Variants in C12orf42 observed in about 807,000 individuals in gnomAD.
The protein encoded by C12orf42 is chromosome 12 open reading frame 42.
C12orf42 carries 25 observed loss-of-function variants against 21.6 expected under a neutral mutation model. The ratio of observed to expected loss-of-function variants is 1.16; its 90% CI spans 0.84 to 1.62. The LOEUF (loss-of-function observed/expected upper bound fraction) is 1.62. Ranked by LOEUF, C12orf42 falls within the 40% of genes most tolerant of loss-of-function variation. The pLI, the probability that C12orf42 is intolerant of heterozygous loss-of-function variation, is 0.00. For missense variants in C12orf42, 483 were observed against 459.3 expected (o/e 1.05, Z -0.47); for synonymous variants, 174 against 175.0 (o/e 0.99, Z 0.05).
At chr12:103,555,775 C>G in the C12orf42 span, among the ~76,000 whole-genome samples, 1 of 152,100 alleles carries the variant, frequency 6.6e-6, no homozygotes, top group African/African-American at 2.4e-5. Flanking sequence ...CTCCAGAGAG[C>G]AAAGGTGTTC....
At chr12:103,416,682 G>C (rs980790214) in intron 2 of C12orf42, among the ~76,000 whole-genome samples, 1 of 151,650 alleles carries the variant, frequency 6.6e-6, no homozygotes, top group Non-Finnish European at 1.5e-5. Context: ...TTGCCCTGAC[G>C]TAACTATTTT....
chr12:103,354,697 G>A (rs1879621), intron 4 of C12orf42, among the ~76,000 whole-genome samples: 1 of 151,908 alleles, frequency 6.6e-6, no homozygotes, highest in Admixed American at 6.6e-5. Context: ...TCTATTACAC[G>A]GTAGGGTAAC....
chr12:103,305,016 T>C (rs1362188292), intron 5 of C12orf42, among the ~76,000 whole-genome samples: 2 of 152,170 alleles, frequency 1.3e-5, no homozygotes, highest in Non-Finnish European at 2.9e-5. Context: ...ATCTTTTGGC[T>C]TCCCTGGGCC....
intron 4 of C12orf42, among the ~76,000 whole-genome samples, chr12:103,358,123 G>A (rs1464688190): frequency 6.6e-6 from 1 of 152,004 alleles, no homozygotes; most frequent in African/African-American, 2.4e-5. Flanking sequence ...TGACATAAGG[G>A]TTTCCATCAG....
the C12orf42 span, among the ~76,000 whole-genome samples, chr12:103,057,910 T>C: frequency 5.3e-5 from 8 of 152,094 alleles, no homozygotes; most frequent in Non-Finnish European, 1.2e-4. Flanking sequence ...CAGGAAATGG[T>C]ACCTCATTGT....
intron 3 of C12orf42, among the ~76,000 whole-genome samples, chr12:103,381,674 T>C (rs534442968): frequency 3.2e-4 from 48 of 152,234 alleles, no homozygotes; most frequent in African/African-American, 1.1e-3. Context: ...CCCCGGAACT[T>C]TGGGAGGCCG....
chr12:103,205,034 G>A, the C12orf42 span, among the ~76,000 whole-genome samples: 2 of 152,162 alleles, frequency 1.3e-5, no homozygotes, highest in Non-Finnish European at 2.9e-5. Context: ...CACCAGGGAA[G>A]TGGAAGATAA....
the C12orf42 span, among the ~76,000 whole-genome samples, chr12:103,543,792 C>T: frequency 1.3e-5 from 2 of 152,106 alleles, no homozygotes; most frequent in South Asian, 4.2e-4. Context: ...TGTCTTTCAT[C>T]TAAGAATCTT....
At chr12:103,085,541 A>AT in the C12orf42 span, among the ~76,000 whole-genome samples, 3,477 of 143,300 alleles carry the variant, frequency 0.024, 59 homozygotes, top group Middle Eastern at 0.042. Flanking sequence ...GAATGAAAAG[A>AT]TTTTTTTTTT....
chr12:103,313,213 G>A (rs1035266946), intron 4 of C12orf42, among the ~76,000 whole-genome samples: 1 of 152,076 alleles, frequency 6.6e-6, no homozygotes, highest in Non-Finnish European at 1.5e-5. Flanking sequence ...TTTCATCTCC[G>A]GCATATCTAA....
intron 10 of C12orf42, among the ~76,000 whole-genome samples, chr12:103,258,713 T>C (rs977567011): frequency 6.6e-6 from 1 of 152,128 alleles, no homozygotes; most frequent in African/African-American, 2.4e-5. Flanking sequence ...ATATGTATTC[T>C]TTCAGGGTAC....
At chr12:103,392,924 C>G (rs967079403) in intron 3 of C12orf42, among the ~76,000 whole-genome samples, 7 of 152,152 alleles carry the variant, frequency 4.6e-5, no homozygotes, top group Non-Finnish European at 1.0e-4. Context: ...ATCTCATTCT[C>G]AGTGGTGGAG....
chr12:103,378,413 C>T (rs1416367627), intron 3 of C12orf42, among the ~76,000 whole-genome samples: 2 of 152,122 alleles, frequency 1.3e-5, no homozygotes, highest in African/African-American at 4.8e-5. Flanking sequence ...TCACCATAGG[C>T]ACCAACTTGT....
At chr12:103,469,387 GA>G (rs1174784066) in intron 2 of C12orf42, among the ~76,000 whole-genome samples, 11 of 152,146 alleles carry the variant, frequency 7.2e-5, no homozygotes, top group Admixed American at 5.9e-4. Flanking sequence ...TCCAAATGGG[GA>G]CAAAAGCACC....
chr12:103,073,569 A>AG, the C12orf42 span, among the ~76,000 whole-genome samples: 3,432 of 152,198 alleles, frequency 0.023, 56 homozygotes, highest in African/African-American at 0.044. Context: ...TTCAAAAGAG[A>AG]GGAGAGCTGA....
intron 4 of C12orf42, among the ~76,000 whole-genome samples, chr12:103,359,228 G>A (rs1244645686): frequency 6.6e-6 from 1 of 151,744 alleles, no homozygotes; most frequent in Non-Finnish European, 1.5e-5. Context: ...GAAGTCTAAG[G>A]TATATAGCTT....
At chr12:103,199,952 C>T in the C12orf42 span, among the ~76,000 whole-genome samples, 2 of 152,024 alleles carry the variant, frequency 1.3e-5, no homozygotes, top group Non-Finnish European at 2.9e-5. Context: ...GTGGAACAAC[C>T]GTATGATCCA....
At chr12:103,442,433 A>G (rs1291407363) in intron 2 of C12orf42, among the ~76,000 whole-genome samples, 3 of 152,138 alleles carry the variant, frequency 2.0e-5, no homozygotes, top group Non-Finnish European at 4.4e-5. Flanking sequence ...GGTACCTAAG[A>G]TCTTCGCAGG....
chr12:103,211,598 C>A, the C12orf42 span, among the ~76,000 whole-genome samples: 1 of 152,146 alleles, frequency 6.6e-6, no homozygotes, highest in Admixed American at 6.6e-5. Flanking sequence ...CTGACACCAA[C>A]CATGAGAGTG....
Sources: allele counts gnomAD v4.1 joint callset (sites outside exome capture counted in the v4.1 genomes callset), GRCh38; gene constraint gnomAD v4.1.1; transcripts MANE v1.5; gene names NCBI Gene and HGNC (gene_info 2026-07-23, HGNC 2026-07-21).